C10orf67: variants seen among roughly 807,000 people sequenced by gnomAD.
C10orf67 encodes chromosome 10 open reading frame 67.
Under a neutral mutation model 35.6 loss-of-function variants are expected in C10orf67, and 60 were observed. That is an observed-to-expected ratio of 1.68 (90% CI 1.37 to 2.09). The LOEUF (loss-of-function observed/expected upper bound fraction) is 2.09, where lower values mean the gene tolerates loss of function less well. Ranked by LOEUF, C10orf67 falls within the 30% of genes most tolerant of loss-of-function variation. The pLI is 0.00. For synonymous variants in C10orf67, 167 were observed against 115.8 expected (o/e 1.44, Z -2.84); for missense variants, 474 against 330.2 (o/e 1.44, Z -3.38).
chr10:23,331,002 G>T (rs1448022960), intron 2 of C10orf67, among the ~76,000 whole-genome samples: 1 of 127,586 alleles, frequency 7.8e-6, no homozygotes, highest in Admixed American at 8.4e-5. Context: ...GAGGGAAGGG[G>T]AAGGAAACCA....
chr10:23,247,319 T>C (rs1193516112), intron 12 of C10orf67, among the ~76,000 whole-genome samples: 1 of 152,144 alleles, frequency 6.6e-6, no homozygotes, highest in East Asian at 1.9e-4. Flanking sequence ...TATACCGCAT[T>C]TTCACTGTAT....
At chr10:23,336,537 CAG>C (rs747820080) in intron 1 of C10orf67, among the ~76,000 whole-genome samples, 32 of 152,136 alleles carry the variant, frequency 2.1e-4, no homozygotes, top group Non-Finnish European at 4.1e-4. Context: ...TTTTTTGAGA[CAG>C]AGTCTTGCTT....
At chr10:23,240,563 G>T (rs1842155770) in intron 12 of C10orf67, among the ~76,000 whole-genome samples, 2 of 152,176 alleles carry the variant, frequency 1.3e-5, no homozygotes, top group Admixed American at 1.3e-4. Flanking sequence ...TTAGCTATTT[G>T]GGAAATTCTC....
At chr10:23,207,028 T>C (rs931901427) in intron 15 of C10orf67, among the ~76,000 whole-genome samples, 1 of 152,192 alleles carries the variant, frequency 6.6e-6, no homozygotes, top group South Asian at 2.1e-4. Context: ...CTCTGTGCCA[T>C]ACTCTTGATA....
At position 23,224,598 on chromosome 10, in the gene C10orf67, A is replaced by C. The variant is rs141681692; in HGVS notation, c.1435-780T>G. The stretch of plus-strand genomic sequence containing the variant: ...CTTCTCCGAGCTAAAGGAGGAAGTT[A>C]GAACCCATCGCAAAGAAGCTAAAAA... On this transcript the variant is annotated intron_variant, in intron 13 of 15. Transcript: ENST00000636213. Among the ~76,000 whole-genome samples, 1,337 of 152,326 alleles carry C rather than the reference A, an allele frequency of 8.8e-3. 24 individuals carry two copies. The highest frequency in any genetic ancestry group is 0.029 in the African/African-American group (1,222 of 41,580).
At chr10:23,247,079 A>C (rs1842335438) in intron 12 of C10orf67, among the ~76,000 whole-genome samples, 1 of 152,230 alleles carries the variant, frequency 6.6e-6, no homozygotes, top group South Asian at 2.1e-4. Context: ...AGAGTTTATA[A>C]AGTAAAAAAA....
At chr10:23,259,380 C>A (rs1842688984) in intron 10 of C10orf67, among the ~76,000 whole-genome samples, 1 of 152,126 alleles carries the variant, frequency 6.6e-6, no homozygotes. Context: ...TGGCATTCTG[C>A]TAAAGATTGC....
chr10:23,210,755 A>G (rs1461783241), intron 15 of C10orf67, among the ~76,000 whole-genome samples: 6 of 152,192 alleles, frequency 3.9e-5, no homozygotes, highest in East Asian at 1.9e-4. Context: ...TATAGAGATC[A>G]CTTGCTATCT....
intron 8 of C10orf67, among the ~76,000 whole-genome samples, chr10:23,270,491 T>C (rs751451934): frequency 6.6e-6 from 1 of 152,208 alleles, no homozygotes; most frequent in Non-Finnish European, 1.5e-5. Context: ...CAGTTTTACA[T>C]ACTCTGGTCC....
chr10:23,283,018 A>G (rs1843414428), intron 7 of C10orf67, among the ~76,000 whole-genome samples: 2 of 152,166 alleles, frequency 1.3e-5, no homozygotes, highest in Non-Finnish European at 2.9e-5. Context: ...CAGGGTGACC[A>G]TAGTCAATAC....
chr10:23,225,542 G>A (rs1202826723), intron 13 of C10orf67, among the ~76,000 whole-genome samples: 1 of 152,082 alleles, frequency 6.6e-6, no homozygotes, highest in African/African-American at 2.4e-5. Flanking sequence ...ATGTAAATGG[G>A]CTAAATGCTC....
At chr10:23,268,663 T>C (rs1842944357) in intron 8 of C10orf67, among the ~76,000 whole-genome samples, 2 of 152,214 alleles carry the variant, frequency 1.3e-5, no homozygotes, top group African/African-American at 2.4e-5. Flanking sequence ...TCAAGCCTAA[T>C]ACAGTCATGA....
chr10:23,343,073 G>A (rs766365294), intron 1 of C10orf67, among the ~76,000 whole-genome samples: 1 of 152,232 alleles, frequency 6.6e-6, no homozygotes, highest in Non-Finnish European at 1.5e-5. Flanking sequence ...TAGAACACAG[G>A]GGGCAAAGGA....
chr10:23,330,712 C>A (rs1395513904), intron 2 of C10orf67, among the ~76,000 whole-genome samples: 1 of 149,636 alleles, frequency 6.7e-6, no homozygotes, highest in East Asian at 2.0e-4. Context: ...TGCACTCCAG[C>A]CTGGGCGACA....
chr10:23,305,018 A>G (rs549410350), intron 4 of C10orf67, among the ~76,000 whole-genome samples: 26 of 152,272 alleles, frequency 1.7e-4, no homozygotes, highest in Non-Finnish European at 2.9e-4. Flanking sequence ...CCTGGAGGCA[A>G]TCTTATCAGC....
intron 1 of C10orf67, among the ~76,000 whole-genome samples, chr10:23,340,409 A>G (rs567561862): frequency 1.4e-4 from 21 of 151,664 alleles, no homozygotes; most frequent in African/African-American, 4.8e-4. Flanking sequence ...GGCTCCACCT[A>G]GTCAGGAGGC....
chr10:23,303,897 GC>G (rs914676578), intron 4 of C10orf67, among the ~76,000 whole-genome samples: 11 of 152,210 alleles, frequency 7.2e-5, no homozygotes, highest in African/African-American at 2.4e-4. Flanking sequence ...ACTGAGGAGG[GC>G]TGTTTTGACT....
intron 10 of C10orf67, among the ~76,000 whole-genome samples, chr10:23,256,638 A>G (rs957670853): frequency 2.6e-5 from 4 of 152,076 alleles, no homozygotes; most frequent in African/African-American, 4.8e-5. Context: ...AGTCTGAAGT[A>G]GCTGGGGACA....
chr10:23,212,355 G>T (rs901595532), intron 15 of C10orf67, among the ~76,000 whole-genome samples: 2 of 152,154 alleles, frequency 1.3e-5, no homozygotes, highest in Non-Finnish European at 2.9e-5. Context: ...GGTGGCCTTA[G>T]CAAAGGAATA....
Sources: allele counts gnomAD v4.1 joint callset (sites outside exome capture counted in the v4.1 genomes callset), GRCh38; gene constraint gnomAD v4.1.1; transcripts MANE v1.5; gene names NCBI Gene and HGNC (gene_info 2026-07-23, HGNC 2026-07-21).